HECW2: variants seen among roughly 807,000 people sequenced by gnomAD.
The protein encoded by HECW2 is HECT, C2 and WW domain containing E3 ubiquitin protein ligase 2, also known as E3 ubiquitin-protein ligase HECW2.
Under a neutral mutation model 175.2 loss-of-function variants are expected in HECW2, and 61 were observed. That is an observed-to-expected ratio of 0.35 (90% CI 0.28 to 0.43). The LOEUF (loss-of-function observed/expected upper bound fraction) is 0.43, where lower values mean the gene tolerates loss of function less well. Ranked by LOEUF, HECW2 falls within the 20% of genes least tolerant of loss-of-function variation. The probability of loss-of-function intolerance (pLI) is 1.00; values close to 1 mark genes in which losing one functional copy is unlikely to be tolerated. For synonymous variants in HECW2, 671 were observed against 731.0 expected (o/e 0.92, Z 1.32); for missense variants, 1,524 against 2,000.5 (o/e 0.76, Z 4.54).
chr2:196,522,775 G>C (rs1270284731), intron 1 of HECW2, among the ~76,000 whole-genome samples: 1 of 150,820 alleles, frequency 6.6e-6, no homozygotes, highest in Non-Finnish European at 1.5e-5. Flanking sequence ...GTTTGTCAAA[G>C]ATCAGATAGT....
At chr2:196,421,525 GTA>G (rs746106711) in intron 2 of HECW2, among the ~76,000 whole-genome samples, 1 of 152,112 alleles carries the variant, frequency 6.6e-6, no homozygotes, top group Non-Finnish European at 1.5e-5. Flanking sequence ...CCTTAAGAAA[GTA>G]TAAAAAGCTA....
At chr2:196,396,828 A>AAAC (rs148015627) in intron 2 of HECW2, among the ~76,000 whole-genome samples, 138,574 of 150,820 alleles carry the variant, frequency 0.92, 63,872 homozygotes, top group East Asian at 0.96. Context: ...TAAAAAAAAA[A>AAAC]TGGCCGGGTG....
intron 1 of HECW2, among the ~76,000 whole-genome samples, chr2:196,499,643 G>C (rs975343702): frequency 1.3e-5 from 2 of 152,106 alleles, no homozygotes; most frequent in African/African-American, 4.8e-5. Flanking sequence ...CTTATGGCCT[G>C]CCACTCTGCA....
At chr2:196,253,076 G>C (rs1688916845) in intron 19 of HECW2, among the ~76,000 whole-genome samples, 2 of 152,216 alleles carry the variant, frequency 1.3e-5, no homozygotes, top group African/African-American at 4.8e-5. Context: ...TGTGTTAAAT[G>C]AACATATTAA....
intron 2 of HECW2, among the ~76,000 whole-genome samples, chr2:196,417,024 A>T (rs996411280): frequency 1.1e-4 from 16 of 152,246 alleles, no homozygotes; most frequent in Non-Finnish European, 1.9e-4. Flanking sequence ...GGAAATTCCT[A>T]TTAGGCACTG....
intron 1 of HECW2, among the ~76,000 whole-genome samples, chr2:196,471,735 T>A (rs577955232): frequency 6.6e-6 from 1 of 152,066 alleles, no homozygotes; most frequent in Admixed American, 6.6e-5. Flanking sequence ...AAATACTACA[T>A]GTTCTCACTT....
At chr2:196,333,435 T>C (rs1273803790) in intron 4 of HECW2, among the ~76,000 whole-genome samples, 1 of 152,162 alleles carries the variant, frequency 6.6e-6, no homozygotes, top group East Asian at 1.9e-4. Context: ...AAAGTGCCAT[T>C]TGCAAAGACT....
At chr2:196,581,946 G>A (rs1454123383) in intron 1 of HECW2, among the ~76,000 whole-genome samples, 2 of 151,876 alleles carry the variant, frequency 1.3e-5, no homozygotes, top group Non-Finnish European at 2.9e-5. Context: ...GGAGCCTGTA[G>A]TCCCAGCTAC....
intron 14 of HECW2, 61 bp from the exon 15 acceptor site, chr2:196,278,723 A>G: frequency 6.3e-7 from 1 of 1,580,282 alleles, no homozygotes; most frequent in Non-Finnish European, 8.7e-7. Context: ...GACTTATAAC[A>G]TCAGACGGTC....
rs1158051512 is a variant in HECW2 at position 196,521,282 on chromosome 2, C to CAAA, written c.-36+72223_-36+72225dup. On this transcript the variant is annotated intron_variant, in intron 1 of 28. Coordinates refer to ENST00000644978, the MANE Select transcript of HECW2 (RefSeq NM_001348768.2). ...CATCCTCACTAGGAAACGTGAGTAA[C>CAAA]AAAAAAAAAAAAAAAAAAAAAAAAA... Among the ~76,000 whole-genome samples the CAAA allele has an allele frequency of 6.7e-3, 360 of 53,676 alleles. 18 individuals are homozygous for CAAA. The highest frequency in any genetic ancestry group is 0.01 in the African/African-American group (193 of 18,960). 35.2% of individuals were successfully genotyped at this position (53,676 alleles called of 152,430 possible).
chr2:196,491,577 CAT>C (rs1324558738), intron 1 of HECW2, among the ~76,000 whole-genome samples: 3 of 150,396 alleles, frequency 2.0e-5, no homozygotes, highest in African/African-American at 7.3e-5. Flanking sequence ...AATATATACA[CAT>C]AGATATGTGT....
At chr2:196,568,213 C>A (rs986906052) in intron 1 of HECW2, among the ~76,000 whole-genome samples, 3 of 152,070 alleles carry the variant, frequency 2.0e-5, no homozygotes, top group African/African-American at 7.2e-5. Flanking sequence ...TTAGGACACT[C>A]AAATATATAT....
At chr2:196,240,696 T>A in intron 20 of HECW2, 134 bp from the exon 21 acceptor site, 1 of 874,638 alleles carries the variant, frequency 1.1e-6, no homozygotes, top group Non-Finnish European at 1.6e-6. Flanking sequence ...ATCATTGCTG[T>A]CTGCAATAAA....
intron 1 of HECW2, among the ~76,000 whole-genome samples, chr2:196,490,216 A>G (rs1383610401): frequency 6.6e-6 from 1 of 152,188 alleles, no homozygotes; most frequent in Non-Finnish European, 1.5e-5. Context: ...ATAAGCTCTG[A>G]AAAACCAACA....
At chr2:196,358,467 T>C (rs1693460833) in intron 2 of HECW2, among the ~76,000 whole-genome samples, 1 of 151,208 alleles carries the variant, frequency 6.6e-6, no homozygotes, top group East Asian at 1.9e-4. Flanking sequence ...CCCAGCTACT[T>C]GGGAGGCTGA....
intron 1 of HECW2, among the ~76,000 whole-genome samples, chr2:196,579,319 T>C (rs1047198599): frequency 1.3e-5 from 2 of 151,932 alleles, no homozygotes; most frequent in African/African-American, 4.8e-5. Context: ...TAACACAAGA[T>C]AAGACAGTAA....
chr2:196,201,459 T>C, intron 28 of HECW2, 71 bp from the exon 29 acceptor site: 2 of 1,027,892 alleles, frequency 1.9e-6, no homozygotes, highest in Non-Finnish European at 3.1e-6. Flanking sequence ...GGTGTGTGTG[T>C]GTGTGTGTGT....
At chr2:196,254,440 C>T (rs1688972289) in intron 18 of HECW2, among the ~76,000 whole-genome samples, 1 of 152,170 alleles carries the variant, frequency 6.6e-6, no homozygotes, top group South Asian at 2.1e-4. Flanking sequence ...GGGTCTCAGC[C>T]TTCGAAGGGC....
chr2:196,539,190 G>A (rs768293991), intron 1 of HECW2, among the ~76,000 whole-genome samples: 31 of 152,014 alleles, frequency 2.0e-4, no homozygotes, highest in Non-Finnish European at 4.1e-4. Flanking sequence ...GTAGGATCTC[G>A]GGCAAATCAC....
Sources: allele counts gnomAD v4.1 joint callset (sites outside exome capture counted in the v4.1 genomes callset), GRCh38; gene constraint gnomAD v4.1.1; transcripts MANE v1.5; gene names NCBI Gene and HGNC (gene_info 2026-07-23, HGNC 2026-07-21).